Variants in ANKS1B observed in about 807,000 individuals in gnomAD.
ANKS1B encodes ankyrin repeat and sterile alpha motif domain containing 1B.
Under a neutral mutation model 148.3 loss-of-function variants are expected in ANKS1B, and 36 were observed. That is an observed-to-expected ratio of 0.24 (90% CI 0.19 to 0.32). ANKS1B has a LOEUF of 0.32. Ranked by LOEUF, ANKS1B falls within the 10% of genes least tolerant of loss-of-function variation. The pLI, the probability that ANKS1B is intolerant of heterozygous loss-of-function variation, is 1.00. For synonymous variants in ANKS1B, 542 were observed against 560.8 expected (o/e 0.97, Z 0.47); for missense variants, 1,157 against 1,542.6 (o/e 0.75, Z 4.19).
At chr12:99,267,867 C>A (rs1010778775) in intron 12 of ANKS1B, among the ~76,000 whole-genome samples, 1 of 151,978 alleles carries the variant, frequency 6.6e-6, no homozygotes, top group Non-Finnish European at 1.5e-5. Flanking sequence ...ATATGGAGCT[C>A]GGAAAGTACA....
chr12:99,574,629 A>G (rs1355071950), intron 9 of ANKS1B, among the ~76,000 whole-genome samples: 1 of 152,038 alleles, frequency 6.6e-6, no homozygotes, highest in African/African-American at 2.4e-5. Flanking sequence ...TTGAGTTAAC[A>G]TTTGAAATCA....
intron 11 of ANKS1B, among the ~76,000 whole-genome samples, chr12:99,406,711 AAT>A (rs2094539712): frequency 6.8e-6 from 1 of 146,244 alleles, no homozygotes; most frequent in South Asian, 2.1e-4. Flanking sequence ...AAATACCATA[AAT>A]GCTAAATAAA....
chr12:99,768,399 C>T (rs978875139), intron 8 of ANKS1B, among the ~76,000 whole-genome samples: 5 of 152,132 alleles, frequency 3.3e-5, no homozygotes, highest in Admixed American at 3.3e-4. Context: ...AGCCTCCTTG[C>T]TATGAACCTC....
intron 9 of ANKS1B, among the ~76,000 whole-genome samples, chr12:99,620,072 G>C (rs1022979191): frequency 1.3e-5 from 2 of 152,150 alleles, no homozygotes. Context: ...CTACTGGCTT[G>C]TAGGTTGAAC....
At chr12:99,530,292 C>T (rs959976166) in intron 9 of ANKS1B, among the ~76,000 whole-genome samples, 1 of 152,204 alleles carries the variant, frequency 6.6e-6, no homozygotes, top group Non-Finnish European at 1.5e-5. Flanking sequence ...TCTAGAACTA[C>T]ATAGACTGGC....
chr12:99,200,893 A>G (rs1167914368), intron 14 of ANKS1B, among the ~76,000 whole-genome samples: 1 of 152,188 alleles, frequency 6.6e-6, no homozygotes, highest in African/African-American at 2.4e-5. Flanking sequence ...AGAATCTGTG[A>G]CTCATCAAAA....
rs79568572 is a variant in ANKS1B, at chr12:99,307,898, T to G, written c.1757-61034A>C. Among the ~76,000 whole-genome samples, 6 of 152,176 alleles carry G rather than the reference T, an allele frequency of 3.9e-5. No homozygotes were observed. The East Asian group carries it at 1.2e-3, about 29-fold the overall frequency. ...TCACACAGCCAATTTGTTTCAGAGT[T>G]GAGACTAGAGAATCCATGTCTCCCA... is the stretch of plus-strand genomic sequence containing the variant. On this transcript the variant is annotated intron_variant, in intron 12 of 26. Coordinates refer to ENST00000683438, the MANE Select transcript of ANKS1B (RefSeq NM_001352186.2).
intron 17 of ANKS1B, among the ~76,000 whole-genome samples, chr12:98,948,782 C>A (rs1372546339): frequency 6.8e-6 from 1 of 147,910 alleles, no homozygotes; most frequent in Non-Finnish European, 1.5e-5. Context: ...CCCCCACACA[C>A]ACACATGCTG....
At chr12:99,187,365 G>A (rs2080009305) in intron 14 of ANKS1B, among the ~76,000 whole-genome samples, 1 of 151,992 alleles carries the variant, frequency 6.6e-6, no homozygotes, top group Admixed American at 6.6e-5. Flanking sequence ...TTCATGAGAA[G>A]AACAACCCCA....
At chr12:99,761,866 T>C (rs2062154203) in intron 8 of ANKS1B, among the ~76,000 whole-genome samples, 1 of 152,068 alleles carries the variant, frequency 6.6e-6, no homozygotes, top group African/African-American at 2.4e-5. Flanking sequence ...ATAAAATCTA[T>C]ATATGAAGAT....
chr12:99,831,111 T>C (rs946125100), intron 1 of ANKS1B, among the ~76,000 whole-genome samples: 4 of 152,080 alleles, frequency 2.6e-5, no homozygotes, highest in Non-Finnish European at 5.9e-5. Context: ...CACACTATCT[T>C]TGGGTCTTAA....
chr12:99,251,645 T>G (rs963256680), intron 12 of ANKS1B, among the ~76,000 whole-genome samples: 2 of 152,214 alleles, frequency 1.3e-5, no homozygotes, highest in Admixed American at 6.5e-5. Context: ...GTTCAATCTC[T>G]TTTTATCCAC....
At chr12:98,787,648 G>A (rs1046074562) in intron 22 of ANKS1B, among the ~76,000 whole-genome samples, 7 of 152,242 alleles carry the variant, frequency 4.6e-5, no homozygotes, top group Middle Eastern at 3.4e-3. Flanking sequence ...GGCTGGGCGT[G>A]GTGGTTCTCG....
intron 4 of ANKS1B, among the ~76,000 whole-genome samples, chr12:99,782,468 A>C (rs2064447386): frequency 6.6e-6 from 1 of 152,118 alleles, no homozygotes; most frequent in Admixed American, 6.5e-5. Context: ...CTGAGGCAGG[A>C]GAATCGCTTG....
At chr12:99,590,175 T>C (rs767423338) in intron 9 of ANKS1B, among the ~76,000 whole-genome samples, 6 of 151,904 alleles carry the variant, frequency 3.9e-5, no homozygotes, top group African/African-American at 7.3e-5. Flanking sequence ...TGAATTAATA[T>C]GAAAAAATTC....
At chr12:98,757,740 G>A (rs1236637113) in intron 25 of ANKS1B, among the ~76,000 whole-genome samples, 2 of 152,152 alleles carry the variant, frequency 1.3e-5, no homozygotes, top group East Asian at 1.9e-4. Context: ...ATTACCTCAC[G>A]TCTCTCGAAT....
chr12:99,840,461 G>GGGTGAC (rs2085540065), intron 1 of ANKS1B, among the ~76,000 whole-genome samples: 1 of 152,060 alleles, frequency 6.6e-6, no homozygotes, highest in Non-Finnish European at 1.5e-5. Context: ...GCTCTGCTAA[G>GGGTGAC]AATAGTCTGA....
chr12:98,797,994 T>C (rs2098965356), intron 22 of ANKS1B, among the ~76,000 whole-genome samples: 1 of 152,178 alleles, frequency 6.6e-6, no homozygotes, highest in Admixed American at 6.5e-5. Context: ...ACACCTGTTA[T>C]GGAGGAAGCA....
At chr12:99,792,308 C>G (rs146832827) in intron 4 of ANKS1B, among the ~76,000 whole-genome samples, 1,869 of 151,792 alleles carry the variant, frequency 0.012, 43 homozygotes, top group African/African-American at 0.043. Context: ...TGAATTCTAC[C>G]AAACATTTAA....
Sources: gnomAD v4.1 joint callset for allele counts (sites outside exome capture counted in the v4.1 genomes callset) on GRCh38, gnomAD v4.1.1 for gene constraint, MANE v1.5 for transcripts, NCBI Gene and HGNC (gene_info 2026-07-23, HGNC 2026-07-21) for gene names.